CROCC: variants seen among roughly 807,000 people sequenced by gnomAD.
CROCC encodes the protein ciliary rootlet coiled-coil, rootletin, also known as rootletin.
Under a neutral mutation model 245.2 loss-of-function variants are expected in CROCC, and 180 were observed. The observed-to-expected ratio is 0.73, with a 90% CI of 0.65 to 0.83. CROCC has a LOEUF of 0.83. Ranked by LOEUF, CROCC falls within the 40% of genes least tolerant of loss-of-function variation. The pLI is 0.00. For synonymous variants in CROCC, 1,205 were observed against 1,241.6 expected (o/e 0.97, Z 0.62); for missense variants, 2,688 against 2,779.4 (o/e 0.97, Z 0.74).
rs529748210 is a variant in CROCC, at chr1:16,969,907, C to T, written c.5424C>T (p.Ala1808=). The change falls in exon 33 of 37, where the codon GCC becomes GCT. Residue 1808 remains alanine (A), a synonymous_variant. Transcript: ENST00000375541. ...ACCTGGAACTGCAGCGGGTGGAGGC[C>T]GAGGGCCAGCTACAACAGCTACGGG... ...VADLELQRVE[A]EGQLQQLREV... is the part of the protein sequence containing the mutation. 54 of 1,605,290 alleles carry T rather than the reference C, an allele frequency of 3.4e-5. No homozygotes were observed. The highest frequency in any genetic ancestry group is 2.0e-4 in the African/African-American group (15 of 74,922).
rs1300203270 is a variant in CROCC, at chr1:16,960,908, C to G, written c.4183C>G (p.Arg1395Gly). 53 of 1,502,292 alleles carry G rather than the reference C, an allele frequency of 3.5e-5. No homozygotes were observed. The highest frequency in any genetic ancestry group is 4.1e-5 in the Non-Finnish European group (46 of 1,133,126). The allele number at this position is 1,502,292 out of a possible 1,614,324, so 93.1% of individuals were successfully genotyped here. A position where few individuals can be genotyped will look rare whatever the true frequency, so the allele number is the denominator to read the frequency against. ...RGLELKLEAARAEAAELGLRL... is the reference protein window; with the variant it reads ...RGLELKLEAAGAEAAELGLRL... ...CCTGGAGCTGAAGCTGGAGGCGGCG[C>G]GGGCCGAGGCTGCAGAGCTGGGCCT... Residue 1395 changes from arginine (R) to glycine (G), a missense_variant, in exon 27 of 37, where the codon CGG (arginine) becomes GGG (glycine). Transcript: ENST00000375541.
At chr1:16,942,572 T>C (rs879359670) in intron 13 of CROCC, among the ~76,000 whole-genome samples, 3 of 152,282 alleles carry the variant, frequency 2.0e-5, no homozygotes, top group Non-Finnish European at 4.4e-5. Context: ...GTGTTTTGTA[T>C]GTACTCTGTG....
intron 3 of CROCC, among the ~76,000 whole-genome samples, chr1:16,925,731 C>G (rs1203318498): frequency 6.6e-6 from 1 of 152,276 alleles, no homozygotes; most frequent in Non-Finnish European, 1.5e-5. Context: ...GTGCCCGTGT[C>G]CTGGGATTTG....
rs371526615 is a variant in CROCC at position 16,969,225 on chromosome 1, G to A, written c.5186G>A (p.Arg1729Gln). 1.2e-5 allele frequency: 19 copies of A among 1,613,050 alleles called. No homozygotes were observed. The highest frequency in any genetic ancestry group is 5.3e-5 in the African/African-American group (4 of 74,894). ...GAGGGGGCCCTGCGGGACAAGGTGCGGGGCCTGACAGAGGCCCTGGCCCAG... is the reference window on the plus strand; with the variant it reads ...GAGGGGGCCCTGCGGGACAAGGTGCAGGGCCTGACAGAGGCCCTGGCCCAG... ...ESEGALRDKV[R>Q]GLTEALAQSS... is the part of the protein sequence containing the mutation. The change falls in exon 32 of 37, where the codon CGG (arginine) becomes CAG (glutamine). Residue 1729 changes from arginine (R) to glutamine (Q), a missense_variant. Coordinates refer to ENST00000375541, the MANE Select transcript of CROCC (RefSeq NM_014675.5).
chr1:16,919,240 G>A (rs140173026), upstream of CROCC, among the ~76,000 whole-genome samples: 29 of 152,398 alleles, frequency 1.9e-4, no homozygotes, highest in South Asian at 4.1e-3. Flanking sequence ...GCCTCAAAGC[G>A]CAAATGCCTC....
intron 3 of CROCC, among the ~76,000 whole-genome samples, chr1:16,926,400 A>G (rs1345589691): frequency 6.6e-6 from 1 of 152,180 alleles, no homozygotes; most frequent in African/African-American, 2.4e-5. Context: ...CAGTTGGGCA[A>G]CATTCTCTTT....
chr1:16,936,894 G>A (rs748671786), intron 9 of CROCC, 21 bp downstream of exon 9: 21 of 1,594,218 alleles, frequency 1.3e-5, no homozygotes, highest in Middle Eastern at 4.1e-4. Flanking sequence ...GGTGGATGCC[G>A]CACGAGGCAG....
In CROCC at chr1:16,940,631, A is replaced by G; in HGVS notation, c.1808+538A>G. ...TCTTGAACTCCTGACCTCATGTTCT[A>G]CCCGCGTCCATCTCCCAAAGTGCTG... On this transcript the variant is annotated intron_variant, in intron 13 of 36. Transcript: ENST00000375541. The G allele has an allele frequency of 1.4e-5, 3 of 221,602 alleles. No individual in the cohort carries two copies. The South Asian group carries it at 1.7e-4, about 12-fold the overall frequency. 13.7% of individuals were successfully genotyped at this position (221,602 alleles called of 1,614,324 possible). A position where few individuals can be genotyped will look rare whatever the true frequency, so the allele number is the denominator to read the frequency against.
chr1:16,967,477 G>A (rs1258383490), intron 30 of CROCC, among the ~76,000 whole-genome samples: 1 of 152,202 alleles, frequency 6.6e-6, no homozygotes, highest in African/African-American at 2.4e-5. Flanking sequence ...GGGCCCAGCC[G>A]CAGGGGCTGC....
At chr1:16,961,259 T>C in intron 27 of CROCC, 129 bp downstream of exon 27, 1 of 918,754 alleles carries the variant, frequency 1.1e-6, no homozygotes, top group Non-Finnish European at 1.4e-6. Flanking sequence ...ACCTCTCCAC[T>C]GAGGTCCACT....
Position 16,950,965 on chromosome 1 carries a change from G to T in CROCC, c.2849G>T (p.Gly950Val), listed in dbSNP as rs1287796649. The change falls in exon 20 of 37, where the codon GGC (glycine) becomes GTC (valine). Residue 950 changes from glycine to valine, a missense_variant. Around this residue, in one of 9 missense-constraint regions of CROCC, gnomAD observed 20 missense variants for 55.4 expected, o/e 0.36. Coordinates refer to ENST00000375541, the MANE Select transcript of CROCC (RefSeq NM_014675.5). Reference sequence around the variant, plus strand: ...TCCTCTCGTGCAGGGGAGTTGGCGGGCCTGCGGCAGCAAATAATAGCTACA... The same window carrying T: ...TCCTCTCGTGCAGGGGAGTTGGCGGTCCTGCGGCAGCAAATAATAGCTACA... Reference protein sequence around the residue: ...AKETLTGELAGLRQQIIATQE... With the variant: ...AKETLTGELAVLRQQIIATQE... 1.9e-6 allele frequency: 3 copies of T among 1,561,126 alleles called. No individual in the cohort carries two copies. The highest frequency in any genetic ancestry group is 2.4e-5 in the South Asian group (2 of 83,712).
chr1:16,936,862 C>T lies in CROCC; in HGVS notation c.1182C>T (p.Asp394=). Residue 394 remains aspartate, a synonymous_variant, in exon 9 of 37, where the codon GAC becomes GAT. Transcript: ENST00000375541. ...TGCAAAGCGACCTGGACAAGGCTGA[C>T]CTCAGTGCCAGGTGGGTACCTGGTG... The part of the protein sequence containing the change: ...QQMQSDLDKA[D]LSARVTELGL... 1.2e-6 allele frequency: 2 copies of T among 1,610,204 alleles called. No homozygotes were observed. The highest frequency in any genetic ancestry group is 1.7e-5 in the Admixed American group (1 of 59,894).
chr1:16,923,880 C>T (rs773313236), intron 2 of CROCC, among the ~76,000 whole-genome samples: 3 of 152,262 alleles, frequency 2.0e-5, no homozygotes, highest in African/African-American at 7.2e-5. Flanking sequence ...AGGGCTTCGC[C>T]GTGTTGGCCA....
intron 36 of CROCC, 129 bp downstream of exon 36, chr1:16,971,776 C>G (rs933306018): frequency 5.1e-6 from 5 of 976,000 alleles, no homozygotes; most frequent in Non-Finnish European, 7.2e-6. Flanking sequence ...GTGGGGTTGG[C>G]TCTGCGCTGG....
intron 27 of CROCC, among the ~76,000 whole-genome samples, chr1:16,964,328 T>G (rs2100540528): frequency 6.6e-6 from 1 of 151,670 alleles, no homozygotes; most frequent in South Asian, 2.1e-4. Context: ...CTCTTTTCTT[T>G]TCTTTTCTTT....
At chr1:16,969,395 G>A in intron 32 of CROCC, 55 bp downstream of exon 32, 40 of 1,530,932 alleles carry the variant, frequency 2.6e-5, no homozygotes, top group Non-Finnish European at 3.6e-5. Context: ...CAGCCAGTAA[G>A]AGCAGGCTTG....
chr1:16,938,521 A>C (rs1446539060), intron 11 of CROCC, 38 bp downstream of exon 11: 2 of 1,508,800 alleles, frequency 1.3e-6, no homozygotes, highest in Non-Finnish European at 9.0e-7. Flanking sequence ...GCGCCCTGCC[A>C]GGCAGTCCCA....
chr1:16,947,717 G>C (rs1473039474), intron 17 of CROCC, among the ~76,000 whole-genome samples: 1 of 152,246 alleles, frequency 6.6e-6, no homozygotes, highest in African/African-American at 2.4e-5. Flanking sequence ...CTGCCGAGCA[G>C]CTGCACTTGG....
intron 1 of CROCC, among the ~76,000 whole-genome samples, chr1:16,915,330 C>A (rs2075290543): frequency 6.6e-6 from 1 of 152,284 alleles, no homozygotes. Context: ...TTAATTCATT[C>A]AGCAGCTCTT....
Sources: allele counts gnomAD v4.1 joint callset (sites outside exome capture counted in the v4.1 genomes callset), GRCh38; gene constraint gnomAD v4.1.1; regional missense constraint gnomAD v4.1.1; transcripts MANE v1.5; gene names NCBI Gene and HGNC (gene_info 2026-07-23, HGNC 2026-07-21).